Variants in SAMD12 observed in about 807,000 individuals in gnomAD.
The protein encoded by SAMD12 is sterile alpha motif domain containing 12, also known as sterile alpha motif domain-containing protein 12.
SAMD12 carries 9 observed loss-of-function variants against 15.0 expected under a neutral mutation model. The observed-to-expected ratio is 0.60, with a 90% CI of 0.36 to 1.05. SAMD12 has a LOEUF of 1.05. SAMD12 is among the 50% of genes least tolerant of loss of function. The pLI is 0.01. For missense variants in SAMD12, 230 were observed against 234.2 expected (o/e 0.98, Z 0.12); for synonymous variants, 86 against 90.1 (o/e 0.96, Z 0.25).
intron 1 of SAMD12, among the ~76,000 whole-genome samples, chr8:118,584,926 C>T (rs575623564): frequency 0.072 from 8,699 of 121,094 alleles, 531 homozygotes; most frequent in African/African-American, 0.22. Flanking sequence ...TAGGTATACA[C>T]ACACACACAC....
exon 5 of SAMD12, chr8:118,194,237 C>T (rs1208458688): frequency 6.6e-6 from 1 of 152,120 alleles, no homozygotes; most frequent in Non-Finnish European, 1.5e-5. Context: ...CCGTTAGCCT[C>T]TTTCTGAGCA....
intron 1 of SAMD12, among the ~76,000 whole-genome samples, chr8:118,584,302 C>T (rs1827373355): frequency 6.6e-6 from 1 of 152,180 alleles, no homozygotes; most frequent in Non-Finnish European, 1.5e-5. Flanking sequence ...CTAATATTTA[C>T]AAATCAAACA....
intron 4 of SAMD12, among the ~76,000 whole-genome samples, chr8:118,235,302 A>G (rs1343972034): frequency 6.6e-6 from 1 of 151,476 alleles, no homozygotes; most frequent in East Asian, 1.9e-4. Context: ...CTTCTGCCTC[A>G]CGGGTTCAAG....
At chr8:118,563,350 G>A (rs1826760905) in intron 2 of SAMD12, among the ~76,000 whole-genome samples, 1 of 152,198 alleles carries the variant, frequency 6.6e-6, no homozygotes, top group African/African-American at 2.4e-5. Flanking sequence ...TTCGACAGCA[G>A]TCAGAGATGC....
chr8:118,482,324 G>C (rs1368001927), intron 2 of SAMD12, among the ~76,000 whole-genome samples: 1 of 152,086 alleles, frequency 6.6e-6, no homozygotes, highest in Non-Finnish European at 1.5e-5. Context: ...ATCTTAACTT[G>C]TCCCAACTCA....
chr8:118,513,477 C>T (rs1345812030), intron 2 of SAMD12, among the ~76,000 whole-genome samples: 1 of 152,146 alleles, frequency 6.6e-6, no homozygotes, highest in African/African-American at 2.4e-5. Flanking sequence ...CCTACCCTCC[C>T]AAAGAAAAAC....
At chr8:118,523,846 T>G (rs1299686385) in intron 2 of SAMD12, among the ~76,000 whole-genome samples, 2 of 152,044 alleles carry the variant, frequency 1.3e-5, no homozygotes, top group African/African-American at 2.4e-5. Flanking sequence ...TGAAAAGGCT[T>G]CCTAACCTCC....
At chr8:118,480,685 C>T (rs771817959) in intron 2 of SAMD12, among the ~76,000 whole-genome samples, 12 of 152,288 alleles carry the variant, frequency 7.9e-5, no homozygotes, top group Non-Finnish European at 1.6e-4. Flanking sequence ...TAAAAATGCA[C>T]ATCAGAAACT....
chr8:118,420,741 T>TG (rs1821957705), intron 3 of SAMD12, among the ~76,000 whole-genome samples: 1 of 152,010 alleles, frequency 6.6e-6, no homozygotes, highest in Admixed American at 6.5e-5. Flanking sequence ...ACATTTAGTA[T>TG]GTAAAAAGGA....
downstream of SAMD12, among the ~76,000 whole-genome samples, chr8:118,375,166 G>C (rs1387981663): frequency 6.6e-6 from 1 of 152,012 alleles, no homozygotes; most frequent in Non-Finnish European, 1.5e-5. Context: ...CTATTATACG[G>C]TTTCTACATA....
the SAMD12 span, among the ~76,000 whole-genome samples, chr8:118,153,594 C>G: frequency 6.6e-6 from 1 of 152,264 alleles, no homozygotes; most frequent in South Asian, 2.1e-4. Context: ...CGAGACTGGT[C>G]CATGCTCCAG....
chr8:118,364,984 T>C (rs1358569534), intron 4 of SAMD12, among the ~76,000 whole-genome samples: 2 of 152,156 alleles, frequency 1.3e-5, no homozygotes, highest in African/African-American at 4.8e-5. Flanking sequence ...TTCCAGTGCA[T>C]CCTCTCATCT....
intron 4 of SAMD12, among the ~76,000 whole-genome samples, chr8:118,329,336 C>G (rs1816707802): frequency 6.6e-6 from 1 of 151,756 alleles, no homozygotes; most frequent in South Asian, 2.1e-4. Flanking sequence ...TATAAATGAT[C>G]ATATATAAAG....
chr8:118,159,389 C>A, the SAMD12 span, among the ~76,000 whole-genome samples: 3 of 152,192 alleles, frequency 2.0e-5, no homozygotes, highest in Admixed American at 2.0e-4. Context: ...TGGCCGGACC[C>A]CATGCTCACT....
At position 118,310,960 on chromosome 8, in the gene SAMD12, G is replaced by T. The variant is rs561876252; in HGVS notation, c.433+68600C>A. ...AATGGCACCTATGACATAGTAGAAA[G>T]ATTTTAATGCATGTTTATAGGAATA... On this transcript the variant is annotated intron_variant, in intron 4 of 4. Transcript: ENST00000409003. Among the ~76,000 whole-genome samples, 55 of 152,264 alleles carry T rather than the reference G, an allele frequency of 3.6e-4. 2 individuals carry two copies. In the South Asian group the frequency reaches 8.1e-3, roughly 22 times the overall value.
chr8:118,472,977 A>G (rs1425276657), intron 2 of SAMD12, among the ~76,000 whole-genome samples: 2 of 152,080 alleles, frequency 1.3e-5, no homozygotes, highest in East Asian at 1.9e-4. Flanking sequence ...CTCACCTGAT[A>G]TATTTTTAGT....
At chr8:118,599,637 G>C (rs1201672953) in intron 1 of SAMD12, among the ~76,000 whole-genome samples, 2 of 152,172 alleles carry the variant, frequency 1.3e-5, no homozygotes, top group African/African-American at 4.8e-5. Context: ...TTATGGTTCA[G>C]GTGGGATCTC....
the SAMD12 span, among the ~76,000 whole-genome samples, chr8:118,143,639 A>C: frequency 1.3e-5 from 2 of 152,210 alleles, no homozygotes; most frequent in Non-Finnish European, 2.9e-5. Context: ...CATAGACTGC[A>C]GAGAATCCAC....
intron 4 of SAMD12, among the ~76,000 whole-genome samples, chr8:118,208,188 C>A (rs1819920380): frequency 6.6e-6 from 1 of 152,054 alleles, no homozygotes. Flanking sequence ...ACTCAGGAGG[C>A]AGAGGTTGTG....
Sources: allele counts gnomAD v4.1 joint callset (sites outside exome capture counted in the v4.1 genomes callset), GRCh38; gene constraint gnomAD v4.1.1; transcripts MANE v1.5; gene names NCBI Gene and HGNC (gene_info 2026-07-23, HGNC 2026-07-21).